SDK2: variants seen among roughly 807,000 people sequenced by gnomAD.
SDK2 encodes sidekick cell adhesion molecule 2.
SDK2 carries 105 observed loss-of-function variants against 253.9 expected under a neutral mutation model. The ratio of observed to expected loss-of-function variants is 0.41; its 90% CI spans 0.35 to 0.49. SDK2 has a LOEUF of 0.49. Ranked by LOEUF, SDK2 falls within the 20% of genes least tolerant of loss-of-function variation. The pLI is 0.06. For synonymous variants in SDK2, 1,249 were observed against 1,234.9 expected (o/e 1.01, Z -0.24); for missense variants, 2,608 against 3,003.0 (o/e 0.87, Z 3.07).
intron 1 of SDK2, among the ~76,000 whole-genome samples, chr17:73,588,209 C>CGG (rs1331260638): frequency 1.0e-3 from 137 of 137,064 alleles, no homozygotes; most frequent in African/African-American, 3.9e-3. Context: ...CCCCCCCCCT[C>CGG]CCCCGCCATC....
intron 15 of SDK2, among the ~76,000 whole-genome samples, chr17:73,421,249 A>C (rs1346089265): frequency 6.7e-6 from 1 of 148,994 alleles, no homozygotes. Flanking sequence ...ACGGGCTGCC[A>C]CCTGCCACTG....
At chr17:73,393,884 G>T in intron 26 of SDK2, 135 bp from the exon 27 acceptor site, 1 of 661,138 alleles carries the variant, frequency 1.5e-6, no homozygotes, top group Non-Finnish European at 2.4e-6. Context: ...TGGACCATGT[G>T]GCTAGGCACA....
chr17:73,492,267 T>C (rs904709188), intron 2 of SDK2, among the ~76,000 whole-genome samples: 1 of 152,132 alleles, frequency 6.6e-6, no homozygotes, highest in Non-Finnish European at 1.5e-5. Flanking sequence ...TTTGGTTTCC[T>C]AAGCAGCAGT....
At chr17:73,470,400 TGCACACACCCATGCACACACCTTG>T (rs2063640856) in intron 3 of SDK2, among the ~76,000 whole-genome samples, 1 of 151,942 alleles carries the variant, frequency 6.6e-6, no homozygotes, top group South Asian at 2.1e-4. Flanking sequence ...CACAGACATT[TGCACACACCCATGCACACACCTTG>T]GCACACACTC....
intron 5 of SDK2, among the ~76,000 whole-genome samples, chr17:73,442,678 C>T (rs756033264): frequency 1.1e-4 from 17 of 152,064 alleles, no homozygotes; most frequent in Non-Finnish European, 1.9e-4. Flanking sequence ...TCCTCCAGCA[C>T]GAAGAAGGAT....
At chr17:73,617,297 C>T (rs1166989046) in intron 1 of SDK2, among the ~76,000 whole-genome samples, 1 of 135,718 alleles carries the variant, frequency 7.4e-6, no homozygotes, top group Non-Finnish European at 1.6e-5. Context: ...GGAGAGGCCT[C>T]CTGCAGAGGG....
chr17:73,350,810 G>A lies in SDK2; in HGVS notation c.5759-20C>T, dbSNP rs765084920. The stretch of plus-strand genomic sequence containing the variant: ...TCTGGGCTGGAGCACAGATAGTCAG[G>A]TATATAGGGTGCTCAGCCCCCTCCT... On this transcript the variant is annotated intron_variant, in intron 41 of 44. Transcript: ENST00000392650. 3 of 1,589,308 alleles carry A rather than the reference G, an allele frequency of 1.9e-6. No homozygotes were observed. In the South Asian group the frequency reaches 3.4e-5, roughly 18 times the overall value.
intron 11 of SDK2, 107 bp from the exon 12 acceptor site, chr17:73,430,720 T>C (rs2063320304): frequency 8.7e-6 from 6 of 691,024 alleles, no homozygotes; most frequent in Middle Eastern, 2.6e-4. Context: ...AAAAGAACAA[T>C]GAGCTCCCTG....
chr17:73,604,442 G>A (rs994665981), intron 1 of SDK2, among the ~76,000 whole-genome samples: 4 of 152,180 alleles, frequency 2.6e-5, no homozygotes, highest in African/African-American at 9.7e-5. Flanking sequence ...CACAAAACAC[G>A]GCATTGCAAC....
At position 73,447,740 on chromosome 17, in the gene SDK2, G is replaced by A. The variant is rs989762514; in HGVS notation, c.488C>T (p.Thr163Met). Residue 163 changes from threonine (T) to methionine (M), a missense_variant, in exon 5 of 45, where the codon ACG becomes ATG. This residue lies in a region of SDK2 where 1,505 missense variants were observed against 1,859.1 expected (regional missense o/e 0.81). Coordinates refer to ENST00000392650, the MANE Select transcript of SDK2 (RefSeq NM_001144952.2). This position sits in a 1 kb window ranked among gnomAD's most constrained non-coding sequence, Gnocchi z 4.0. ...CAGGATGACAAGGGTGTTCTCCAGC[G>A]TGATGGCTCTGGGAAGAGGAAAAGG... ...KIPPSSRIAITLENTLVILST... is the reference protein window; with the variant it reads ...KIPPSSRIAIMLENTLVILST... 6 of 1,551,684 alleles carry A rather than the reference G, an allele frequency of 3.9e-6. No homozygotes were observed. The East Asian group carries it at 7.3e-5, about 19-fold the overall frequency.
chr17:73,584,545 GGA>G (rs1415173991), intron 1 of SDK2, among the ~76,000 whole-genome samples: 1 of 152,200 alleles, frequency 6.6e-6, no homozygotes, highest in Non-Finnish European at 1.5e-5. Flanking sequence ...AGGAGGCTTT[GGA>G]GAGAGTCAGC....
intron 1 of SDK2, among the ~76,000 whole-genome samples, chr17:73,587,073 C>T (rs2045612268): frequency 6.6e-6 from 1 of 152,184 alleles, no homozygotes; most frequent in African/African-American, 2.4e-5. Context: ...GGCTGCTGCA[C>T]AGGGTAGAGA....
At chr17:73,532,603 A>G (rs902935832) in intron 1 of SDK2, among the ~76,000 whole-genome samples, 3 of 152,240 alleles carry the variant, frequency 2.0e-5, no homozygotes, top group African/African-American at 7.2e-5. Context: ...ACGTTGCCAG[A>G]CAATGAAATC....
intron 1 of SDK2, among the ~76,000 whole-genome samples, chr17:73,633,129 A>T (rs916526808): frequency 2.8e-4 from 42 of 152,222 alleles, no homozygotes; most frequent in Middle Eastern, 3.4e-3. Context: ...CAAAAAAAAT[A>T]AAATGATTAG....
At chr17:73,344,962 T>C (rs987590144) in intron 44 of SDK2, among the ~76,000 whole-genome samples, 14 of 152,248 alleles carry the variant, frequency 9.2e-5, no homozygotes, top group African/African-American at 2.7e-4. Context: ...CAGCCCTCTC[T>C]GAGCCTCCAG....
At chr17:73,535,174 C>T (rs760917475) in intron 1 of SDK2, among the ~76,000 whole-genome samples, 4 of 152,242 alleles carry the variant, frequency 2.6e-5, no homozygotes, top group Non-Finnish European at 5.9e-5. Context: ...CAGCAGGGGG[C>T]TGCCCTCTCT....
intron 2 of SDK2, among the ~76,000 whole-genome samples, chr17:73,486,133 G>A (rs1313249763): frequency 6.6e-6 from 1 of 152,162 alleles, no homozygotes; most frequent in Non-Finnish European, 1.5e-5. Context: ...GTTTCAGTGG[G>A]CACAGCTGGC....
rs150752454 is a variant in SDK2, at chr17:73,365,926, C to T, written c.5168-531G>A. 7.0e-4 allele frequency among the ~76,000 whole-genome samples: 107 copies of T among 152,274 alleles called. 3 individuals carry two copies. The East Asian group carries it at 0.017, about 24-fold the overall frequency. ...GGCCCCACGCAGTCAGGGGGAGCCA[C>T]GCCAAGGACAGTCAGACCCTCTGGG... On this transcript the variant is annotated intron_variant, in intron 37 of 44. Coordinates refer to ENST00000392650, the MANE Select transcript of SDK2 (RefSeq NM_001144952.2).
chr17:73,569,969 G>A (rs548657983), intron 1 of SDK2, among the ~76,000 whole-genome samples: 6 of 152,234 alleles, frequency 3.9e-5, no homozygotes, highest in Admixed American at 3.9e-4. Context: ...CCTGAGTTAC[G>A]GGAGGCTGCA....
Sources: allele counts gnomAD v4.1 joint callset (sites outside exome capture counted in the v4.1 genomes callset), GRCh38; gene constraint gnomAD v4.1.1; regional missense constraint gnomAD v4.1.1; non-coding constraint Gnocchi (gnomAD v3.1); transcripts MANE v1.5; gene names NCBI Gene and HGNC (gene_info 2026-07-23, HGNC 2026-07-21).